The following RHOBTB3 variants were observed in gnomAD, a reference collection of about 807,000 sequenced individuals.
RHOBTB3 encodes rho-related BTB domain-containing protein 3.
RHOBTB3 carries 47 observed loss-of-function variants against 67.2 expected under a neutral mutation model. The observed-to-expected ratio is 0.70, with a 90% confidence interval of 0.55 to 0.89. RHOBTB3 has a LOEUF of 0.89. Ranked by LOEUF, RHOBTB3 falls within the 40% of genes least tolerant of loss-of-function variation. The pLI, the probability that RHOBTB3 is intolerant of heterozygous loss-of-function variation, is 0.00. For synonymous variants in RHOBTB3, 273 were observed against 274.2 expected, an observed-to-expected ratio of 1.00 and a Z score of 0.04; for missense variants, 631 against 750.0, an observed-to-expected ratio of 0.84 and a Z score of 1.85.
rs34893 is a variant in RHOBTB3 at position 95,734,359 on chromosome 5, G to T, written c.228+2275G>T. Among the ~76,000 whole-genome samples the T allele has an allele frequency of 1.2e-3, 186 of 151,924 alleles. 4 individuals carry two copies. Among genetic ancestry groups the T allele is most frequent in the Admixed American group, 0.012 (184 of 15,282 alleles). ...TCCAAGCCTTGTGTTGCATAACCCCGAGAGGAAACCCTGGAACTGATTTAC... is the reference window on the plus strand; with the variant it reads ...TCCAAGCCTTGTGTTGCATAACCCCTAGAGGAAACCCTGGAACTGATTTAC... On this transcript the variant is annotated intron_variant, in intron 2 of 11. Coordinates refer to ENST00000379982, the MANE Select transcript of RHOBTB3 (RefSeq NM_014899.4).
chr5:95,748,446 A>T lies in RHOBTB3; in HGVS notation c.529A>T (p.Ser177Cys). The T allele has an allele frequency of 6.2e-7, 1 of 1,613,500 alleles. No individual in the cohort carries two copies. The highest frequency in any genetic ancestry group is 8.5e-7 in the Non-Finnish European group (1 of 1,179,578). ...AGGAGCGACCTATCTTGAACTCCAC[A>T]GCCTTGATGACTTCTACATAGGAAA... ...ELGATYLELH[S>C]LDDFYIGKYF... The change falls in exon 4 of 12, where the codon AGC becomes TGC. Residue 177 changes from serine to cysteine, a missense_variant. Physicochemically the swap from Ser to Cys is moderately radical, Grantham distance 112 (BLOSUM62 -1). Coordinates refer to ENST00000379982, the MANE Select transcript of RHOBTB3 (RefSeq NM_014899.4).
intron 3 of RHOBTB3, 116 bp from the exon 4 acceptor site, chr5:95,748,216 TG>T (rs1400228571): frequency 3.1e-5 from 19 of 619,778 alleles, no homozygotes; most frequent in East Asian, 3.0e-4. Context: ...ATATACTGAA[TG>T]CTTTTGAACT....
At position 95,736,979 on chromosome 5, in the gene RHOBTB3, T is replaced by C; in HGVS notation, c.319T>C (p.Ser107Pro). ...VIKYNVNDKF[S>P]FHEVKDNYIP... ...CAAATACAACGTTAATGACAAGTTT[T>C]CATTCCATGAAGTAAAGGATAATTA... is the stretch of plus-strand genomic sequence containing the variant. The change falls in exon 3 of 12, where the codon TCA (serine) becomes CCA (proline). Residue 107 changes from serine to proline, a missense_variant. By Grantham distance (74) the Ser-to-Pro change is moderately conservative. Coordinates refer to ENST00000379982, the MANE Select transcript of RHOBTB3 (RefSeq NM_014899.4). 9 of 1,609,724 alleles carry C rather than the reference T, an allele frequency of 5.6e-6. No homozygotes were observed. The highest frequency in any genetic ancestry group is 7.7e-6 in the Non-Finnish European group (9 of 1,176,310).
At chr5:95,742,737 A>G (rs944351104) in intron 3 of RHOBTB3, among the ~76,000 whole-genome samples, 4 of 152,194 alleles carry the variant, frequency 2.6e-5, no homozygotes, top group African/African-American at 4.8e-5. Flanking sequence ...GGCTGTTTTC[A>G]TAAGTTCTTG....
chr5:95,769,319 T>C (rs1177150032), intron 8 of RHOBTB3: 1 of 473,338 alleles, frequency 2.1e-6, no homozygotes. Flanking sequence ...GTAACACAAA[T>C]GAAGAGGCTG....
intron 1 of RHOBTB3, among the ~76,000 whole-genome samples, chr5:95,724,723 T>G (rs1755000547): frequency 6.6e-6 from 1 of 152,186 alleles, no homozygotes; most frequent in South Asian, 2.1e-4. Flanking sequence ...GTTTCTTGCC[T>G]CTTTTTTCAG....
intron 1 of RHOBTB3, among the ~76,000 whole-genome samples, chr5:95,720,791 A>G (rs1754847696): frequency 6.6e-6 from 1 of 152,194 alleles, no homozygotes; most frequent in Non-Finnish European, 1.5e-5. Flanking sequence ...ATCAGTAAAA[A>G]CAGATTTTTG....
At position 95,788,849 on chromosome 5, in the gene RHOBTB3, G is replaced by A. The variant is rs764271718; in HGVS notation, c.1711G>A (p.Asp571Asn). The A allele has an allele frequency of 3.8e-5, 58 of 1,542,152 alleles. No homozygotes were observed. The highest frequency in any genetic ancestry group is 4.9e-5 in the Non-Finnish European group (56 of 1,148,502). ...CTTCAGTCAAAAGCCTGAATTTCAG[G>A]ATCTTTCAGGTAGATTGCTAATTTC... Reference protein sequence around the residue: ...LIFSQKPEFQDLSVEERSFVE... With the variant: ...LIFSQKPEFQNLSVEERSFVE... The change falls in exon 11 of 12, where the codon GAT becomes AAT. Residue 571 changes from aspartate (D) to asparagine (N), a missense_variant. Physicochemically the swap from Asp to Asn is conservative, Grantham distance 23. Transcript: ENST00000379982.
chr5:95,751,913 C>T (rs1029369723), intron 4 of RHOBTB3, among the ~76,000 whole-genome samples: 5 of 152,178 alleles, frequency 3.3e-5, no homozygotes, highest in African/African-American at 1.2e-4. Context: ...ATATGCGCCA[C>T]GTTTTCTTTA....
intron 10 of RHOBTB3, among the ~76,000 whole-genome samples, chr5:95,786,279 G>A (rs781528655): frequency 6.6e-6 from 1 of 152,150 alleles, no homozygotes; most frequent in Admixed American, 6.5e-5. Flanking sequence ...TGACTTTTAG[G>A]AGTGAAATTG....
intron 1 of RHOBTB3, among the ~76,000 whole-genome samples, chr5:95,725,639 T>C (rs866036075): frequency 1.3e-5 from 2 of 152,382 alleles, no homozygotes; most frequent in African/African-American, 4.8e-5. Flanking sequence ...CAAAAACTTT[T>C]TCAAGCTGCT....
rs147605231 is a variant in RHOBTB3, at chr5:95,759,392, G to A, written c.1048+3631G>A. Among the ~76,000 whole-genome samples, 15 of 152,270 alleles carry A rather than the reference G, an allele frequency of 9.9e-5. 1 individual carries two copies. The South Asian group carries it at 2.7e-3, about 27-fold the overall frequency. ...TAATTATTTACAGATTACAACCTCT[G>A]GCTCAAGGAAAAGTTTCATTTACAT... On this transcript the variant is annotated intron_variant, in intron 6 of 11. Transcript: ENST00000379982.
At chr5:95,781,928 T>C (rs1289230340) in intron 9 of RHOBTB3, 3 of 152,268 alleles carry the variant, frequency 2.0e-5, no homozygotes, top group African/African-American at 7.2e-5. Flanking sequence ...TGTTTATTAT[T>C]TCATTGTTGG....
chr5:95,736,564 T>G (rs1755458913), intron 2 of RHOBTB3, among the ~76,000 whole-genome samples: 1 of 152,234 alleles, frequency 6.6e-6, no homozygotes, highest in South Asian at 2.1e-4. Flanking sequence ...TGTTACACTT[T>G]TGAATTTATG....
intron 6 of RHOBTB3, among the ~76,000 whole-genome samples, chr5:95,763,068 T>C (rs528771428): frequency 9.2e-5 from 14 of 152,320 alleles, no homozygotes; most frequent in Non-Finnish European, 2.1e-4. Context: ...ACCTTCTGAA[T>C]GCATTCTGTT....
upstream of RHOBTB3, among the ~76,000 whole-genome samples, chr5:95,727,839 A>G (rs1389784832): frequency 6.6e-6 from 1 of 152,214 alleles, no homozygotes; most frequent in Non-Finnish European, 1.5e-5. Flanking sequence ...AATTGACCTC[A>G]AAATGTCTGG....
At chr5:95,756,837 G>T (rs1745260532) in intron 6 of RHOBTB3, among the ~76,000 whole-genome samples, 2 of 152,126 alleles carry the variant, frequency 1.3e-5, no homozygotes, top group South Asian at 4.1e-4. Context: ...TGCCAAACAA[G>T]TATGTTAATA....
chr5:95,727,297 G>GA (rs11422281), upstream of RHOBTB3, among the ~76,000 whole-genome samples: 70,709 of 151,864 alleles, frequency 0.47, 17,236 homozygotes, highest in East Asian at 0.92. Context: ...AACATAGTTG[G>GA]AAAAAATCTT....
intron 3 of RHOBTB3, among the ~76,000 whole-genome samples, chr5:95,748,127 T>C (rs1244964049): frequency 6.6e-6 from 1 of 152,234 alleles, no homozygotes; most frequent in Non-Finnish European, 1.5e-5. Context: ...TCTAAAATAC[T>C]ATTTATTATT....
Sources: allele counts gnomAD v4.1 joint callset (sites outside exome capture counted in the v4.1 genomes callset), GRCh38; gene constraint gnomAD v4.1.1; transcripts MANE v1.5; gene names NCBI Gene and HGNC (gene_info 2026-07-23, HGNC 2026-07-21).